Variants in WWOX observed in about 807,000 individuals in gnomAD.
WWOX encodes the protein WW domain-containing oxidoreductase.
In WWOX, 69 loss-of-function variants were observed where a neutral mutation model predicts 46.2. The observed-to-expected ratio is 1.49, with a 90% CI of 1.23 to 1.82. WWOX has a LOEUF of 1.82. Among genes scored for constraint, WWOX ranks in the 40% most tolerant of loss-of-function variants. WWOX has a pLI of 0.00. For synonymous variants in WWOX, 359 were observed against 202.6 expected (o/e 1.77, Z -6.56); for missense variants, 919 against 542.6 (o/e 1.69, Z -6.89).
intron 8 of WWOX, among the ~76,000 whole-genome samples, chr16:78,914,920 G>T (rs1222162669): frequency 2.0e-5 from 3 of 149,242 alleles, no homozygotes; most frequent in Admixed American, 6.7e-5. Context: ...AGATGGCCCT[G>T]CCCTTGAGCA....
intron 8 of WWOX, among the ~76,000 whole-genome samples, chr16:79,162,289 C>G (rs548111469): frequency 1.3e-5 from 2 of 152,302 alleles, no homozygotes; most frequent in South Asian, 2.1e-4. Flanking sequence ...TTCTGGGGCT[C>G]TAAGGCGGAA....
chr16:79,048,897 C>G (rs371088902), intron 8 of WWOX, among the ~76,000 whole-genome samples: 2 of 152,142 alleles, frequency 1.3e-5, no homozygotes, highest in African/African-American at 4.8e-5. Flanking sequence ...AGAGTGACCT[C>G]CAGAACTGTA....
chr16:78,550,582 G>C (rs1216569353), intron 8 of WWOX, among the ~76,000 whole-genome samples: 2 of 152,086 alleles, frequency 1.3e-5, no homozygotes, highest in Non-Finnish European at 2.9e-5. Flanking sequence ...TTCTACTATG[G>C]ATGAATGCTC....
At chr16:79,187,508 C>G (rs2051040954) in intron 8 of WWOX, among the ~76,000 whole-genome samples, 2 of 152,226 alleles carry the variant, frequency 1.3e-5, no homozygotes, top group South Asian at 2.1e-4. Flanking sequence ...TCAAGCGATT[C>G]TCCTGCCTCA....
chr16:78,812,934 C>T (rs915372951), intron 8 of WWOX, among the ~76,000 whole-genome samples: 1 of 152,038 alleles, frequency 6.6e-6, no homozygotes, highest in African/African-American at 2.4e-5. Context: ...GTGAATTTGT[C>T]TTAAAATGGA....
At chr16:78,698,961 G>A (rs2048156010) in intron 8 of WWOX, among the ~76,000 whole-genome samples, 1 of 152,160 alleles carries the variant, frequency 6.6e-6, no homozygotes. Context: ...ATTTAAAATA[G>A]AAACTGTTAG....
chr16:78,568,020 T>C (rs934183545), intron 8 of WWOX, among the ~76,000 whole-genome samples: 28 of 152,188 alleles, frequency 1.8e-4, no homozygotes, highest in African/African-American at 6.8e-4. Context: ...ACTCCGCGAA[T>C]TGAAGGCGGC....
intron 8 of WWOX, among the ~76,000 whole-genome samples, chr16:78,638,500 GA>G (rs2046629351): frequency 6.6e-6 from 1 of 152,026 alleles, no homozygotes. Context: ...GCTCTGATAA[GA>G]TCTGTCTGCA....
At chr16:78,158,475 C>T (rs1053698109) in intron 4 of WWOX, among the ~76,000 whole-genome samples, 1 of 151,998 alleles carries the variant, frequency 6.6e-6, no homozygotes, top group African/African-American at 2.4e-5. Context: ...CCTCCCTCCC[C>T]TCCCCTCCTC....
Position 78,879,556 on chromosome 16 carries a change from A to G in WWOX, c.1057-332052A>G, listed in dbSNP as rs187527951. ...CTCGTGACCACCAAATCTGATTTCCATCCAAGAGGCAACATTGTTTGTGCT... is the reference window on the plus strand; with the variant it reads ...CTCGTGACCACCAAATCTGATTTCCGTCCAAGAGGCAACATTGTTTGTGCT... On this transcript the variant is annotated intron_variant, in intron 8 of 8. Transcript: ENST00000566780. Among the ~76,000 whole-genome samples the G allele has an allele frequency of 5.9e-5, 9 of 152,082 alleles. No individual in the cohort carries two copies. In the East Asian group the frequency reaches 1.5e-3, roughly 26 times the overall value.
intron 8 of WWOX, among the ~76,000 whole-genome samples, chr16:79,081,090 C>T (rs1218656130): frequency 6.6e-6 from 1 of 152,094 alleles, no homozygotes; most frequent in East Asian, 1.9e-4. Flanking sequence ...GTATAGCTGC[C>T]AGGGGTCATT....
At chr16:78,188,728 A>G (rs890242179) in intron 5 of WWOX, among the ~76,000 whole-genome samples, 6 of 152,108 alleles carry the variant, frequency 3.9e-5, no homozygotes, top group Non-Finnish European at 7.4e-5. Flanking sequence ...ACATAAAGGT[A>G]TTGACAGACC....
intron 8 of WWOX, among the ~76,000 whole-genome samples, chr16:78,643,816 C>A (rs1196165936): frequency 7.3e-6 from 1 of 136,330 alleles, no homozygotes; most frequent in Non-Finnish European, 1.6e-5. Context: ...GGAGGAAAGC[C>A]CCCTAACTCC....
intron 5 of WWOX, among the ~76,000 whole-genome samples, chr16:78,335,086 G>C (rs779873450): frequency 6.6e-6 from 1 of 152,152 alleles, no homozygotes; most frequent in Non-Finnish European, 1.5e-5. Context: ...CACACATAAT[G>C]AATCAGAAGC....
intron 8 of WWOX, among the ~76,000 whole-genome samples, chr16:78,538,466 A>G (rs1007783820): frequency 1.6e-4 from 25 of 152,166 alleles, no homozygotes; most frequent in African/African-American, 6.0e-4. Flanking sequence ...ACTGTAATGA[A>G]GATGGAATGA....
At chr16:78,691,437 C>T in intron 8 of WWOX, 10 of 614,066 alleles carry the variant, frequency 1.6e-5, no homozygotes, top group South Asian at 1.4e-4. Flanking sequence ...TGGTTCACAC[C>T]TGTAATCTCC....
chr16:78,855,011 A>T (rs2052534754), intron 8 of WWOX, among the ~76,000 whole-genome samples: 2 of 152,096 alleles, frequency 1.3e-5, no homozygotes, highest in Admixed American at 1.3e-4. Flanking sequence ...TATTTAAAAA[A>T]ATCAGTATGA....
rs28566995 is a variant in WWOX at position 78,998,362 on chromosome 16, C to T, written c.1057-213246C>T. ...TGAGTGAAGGGTCTGTGGGTTTTCACGCTTTGTACTCGGGCCCAGAGCAGA... is the reference window on the plus strand; with the variant it reads ...TGAGTGAAGGGTCTGTGGGTTTTCATGCTTTGTACTCGGGCCCAGAGCAGA... On this transcript the variant is annotated intron_variant, in intron 8 of 8. Coordinates refer to ENST00000566780, the MANE Select transcript of WWOX (RefSeq NM_016373.4). Among the ~76,000 whole-genome samples, 414 of 152,272 alleles carry T rather than the reference C, an allele frequency of 2.7e-3. 1 individual carries two copies. The highest frequency in any genetic ancestry group is 9.6e-3 in the African/African-American group (398 of 41,556).
intron 8 of WWOX, among the ~76,000 whole-genome samples, chr16:79,157,820 C>T (rs551971943): frequency 4.7e-4 from 71 of 152,188 alleles, no homozygotes; most frequent in African/African-American, 1.7e-3. Flanking sequence ...ACCGTGGGTT[C>T]TGTGGGGAGG....
Sources: allele counts gnomAD v4.1 joint callset (sites outside exome capture counted in the v4.1 genomes callset), GRCh38; gene constraint gnomAD v4.1.1; transcripts MANE v1.5; gene names NCBI Gene and HGNC (gene_info 2026-07-23, HGNC 2026-07-21).